SERINC2: variants seen among roughly 807,000 people sequenced by gnomAD.
SERINC2 encodes serine incorporator 2.
Under a neutral mutation model 54.2 loss-of-function variants are expected in SERINC2, and 56 were observed. That is an observed-to-expected ratio of 1.03 (90% CI 0.83 to 1.29). The LOEUF is 1.29. Ranked by LOEUF, SERINC2 falls within the 50% of genes most tolerant of loss-of-function variation. The pLI is 0.00. For missense variants in SERINC2, 614 were observed against 607.4 expected, an observed-to-expected ratio of 1.01 and a Z score of -0.12; for synonymous variants, 272 against 253.1, an observed-to-expected ratio of 1.07 and a Z score of -0.71.
At chr1:31,409,909 G>A (rs976286038), upstream of SERINC2, 51 of 1,439,620 alleles carry the variant, frequency 3.5e-5, no homozygotes, top group African/African-American at 1.4e-4. Context: ...GCAGGAGTTC[G>A]TTCCTATGTT....
At chr1:31,423,561 A>G in intron 1 of SERINC2, 132 bp from the exon 2 acceptor site, 2 of 925,028 alleles carry the variant, frequency 2.2e-6, no homozygotes, top group Non-Finnish European at 3.2e-6. Flanking sequence ...TGAAAGTTCA[A>G]TGGGCTGGTG....
intron 1 of SERINC2, among the ~76,000 whole-genome samples, chr1:31,423,322 C>T (rs1351514134): frequency 6.6e-6 from 1 of 152,100 alleles, no homozygotes; most frequent in Non-Finnish European, 1.5e-5. Context: ...GACACTGAGG[C>T]ACAGAGAGGT....
chr1:31,410,051 CA>C (rs1420697893), upstream of SERINC2: 35 of 979,240 alleles, frequency 3.6e-5, no homozygotes, highest in Non-Finnish European at 5.2e-5. Context: ...GGGCACAGGG[CA>C]ATGGACCAAA....
At chr1:31,413,153 TGGGGCGGGGCC>T (rs1181549837), upstream of SERINC2, 2,473 of 997,960 alleles carry the variant, frequency 2.5e-3, 14 homozygotes, top group Admixed American at 3.4e-3. This position sits in a 1 kb window ranked among gnomAD's most constrained non-coding sequence, Gnocchi z 5.0. Context: ...CTTCGGTAGG[TGGGGCGGGGCC>T]GGGGCGGGGC....
upstream of SERINC2, chr1:31,409,785 C>T: frequency 6.5e-7 from 1 of 1,541,656 alleles, no homozygotes; most frequent in Non-Finnish European, 8.8e-7. Context: ...CCAGTACAGA[C>T]AGCGAAGCCC....
Position 31,413,428 on chromosome 1 carries a change from C to A in SERINC2, c.39+124C>A. On this transcript the variant is annotated intron_variant, in intron 1 of 9. Transcript: ENST00000373709. This position sits in a 1 kb window ranked among gnomAD's most constrained non-coding sequence, Gnocchi z 5.0. ...TTCCTGCAAACTTGTCTTTCTGGGC[C>A]GGTGCCCCGCCTGCTCGCCCTCCTG... 2.1e-6 allele frequency: 1 copy of A among 472,986 alleles called. No homozygotes were observed. Among genetic ancestry groups the A allele is most frequent in the Non-Finnish European group, 3.2e-6 (1 of 312,514 alleles). 29.3% of individuals were successfully genotyped at this position (472,986 alleles called of 1,614,324 possible).
Position 31,425,395 on chromosome 1 carries a change from G to T in SERINC2, c.458G>T (p.Gly153Val). 6.2e-7 allele frequency: 1 copy of T among 1,610,688 alleles called. No homozygotes were observed. Among genetic ancestry groups the T allele is most frequent in the Non-Finnish European group, 8.5e-7 (1 of 1,176,786 alleles). The change falls in exon 4 of 10, where the codon GGC (glycine) becomes GTC (valine). Residue 153 changes from glycine (G) to valine (V), a missense_variant. Physicochemically the swap from Gly to Val is moderately radical, Grantham distance 109. Transcript: ENST00000373709. ...GTGGGTGCCTTCTACATTCCTGACG[G>T]CTCCTTCACCAACAGTAGGCGGACT... ...LTVGAFYIPD[G>V]SFTNIWFYFG...
Position 31,434,306 on chromosome 1 carries a change from C to G in SERINC2, c.*107C>G. On this transcript the variant is annotated 3_prime_UTR_variant, in exon 10 of 10. Transcript: ENST00000373709. ...ACACCAATCAGCCAGGCTGAGCCCC[C>G]ACCCCTGCCCCAGCTCCAGGACCTG... 5 of 1,208,602 alleles carry G rather than the reference C, an allele frequency of 4.1e-6. No individual in the cohort carries two copies. The highest frequency in any genetic ancestry group is 2.3e-5 in the East Asian group (1 of 42,562). The allele number at this position is 1,208,602 out of a possible 1,614,324, so 74.9% of individuals were successfully genotyped here.
rs1553135033 is a variant in SERINC2, at chr1:31,433,038, C to A, written c.1085C>A (p.Ala362Asp). Residue 362 changes from alanine to aspartate, a missense_variant, in exon 9 of 10, where the codon GCC (alanine) becomes GAC (aspartate). Ala to Asp is a moderately radical substitution (Grantham distance 126). Transcript: ENST00000373709. ...QTEECPPMLDATQQQQQVAAC... is the reference protein window; with the variant it reads ...QTEECPPMLDDTQQQQQVAAC... ...GAGGAGTGCCCACCTATGCTAGACG[C>A]CACACAGCAGCAGCAGCAGGTGGCA... 1 of 1,525,402 alleles carries A rather than the reference C, an allele frequency of 6.6e-7. No individual in the cohort carries two copies. Among genetic ancestry groups the A allele is most frequent in the Admixed American group, 1.9e-5 (1 of 51,404 alleles). The allele number at this position is 1,525,402 out of a possible 1,614,324, so 94.5% of individuals were successfully genotyped here.
intron 8 of SERINC2, among the ~76,000 whole-genome samples, chr1:31,432,552 G>T (rs1336121737): frequency 1.3e-5 from 2 of 152,130 alleles, no homozygotes; most frequent in Non-Finnish European, 2.9e-5. Flanking sequence ...AATGGATGTA[G>T]TACCTGGTAT....
At position 31,434,174 on chromosome 1, in the gene SERINC2, T is replaced by C. The variant is rs1557504597; in HGVS notation, c.1343T>C (p.Leu448Pro). Residue 448 changes from leucine to proline, a missense_variant, in exon 10 of 10, where the codon CTC (leucine) becomes CCC (proline). Physicochemically the swap from Leu to Pro is moderately conservative, Grantham distance 98. Transcript: ENST00000373709. ...CTGTGGACCCTGGTAGCCCCACTCC[T>C]CCTGCGCAACCGCGACTTCAGCTGA... Reference protein sequence around the residue: ...LYLWTLVAPLLLRNRDFS With the variant: ...LYLWTLVAPLPLRNRDFS 3 of 1,613,506 alleles carry C rather than the reference T, an allele frequency of 1.9e-6. No individual in the cohort carries two copies. The highest frequency in any genetic ancestry group is 3.3e-5 in the Admixed American group (2 of 59,970).
At chr1:31,426,903 G>A in intron 6 of SERINC2, 80 bp downstream of exon 6, 2 of 1,347,774 alleles carry the variant, frequency 1.5e-6, no homozygotes, top group East Asian at 2.3e-5. Flanking sequence ...GGGTCCTGGG[G>A]CTAGGGCTGT....
Position 31,428,989 on chromosome 1 carries a change from C to T in SERINC2, c.792C>T (p.Pro264=). The change falls in exon 7 of 10, where the codon CCC becomes CCT. Residue 264 remains proline, a synonymous_variant. Transcript: ENST00000373709. Reference sequence around the variant, plus strand: ...GGTCCTCTTGCCAGGACGCCCAGCCCAACTCGGGTCTGCTGCAGGCCTCGG... The same window carrying T: ...GGTCCTCTTGCCAGGACGCCCAGCCTAACTCGGGTCTGCTGCAGGCCTCGG... ...AVLPKVQDAQ[P]NSGLLQASVI... is the part of the protein sequence containing the mutation. 2 of 1,613,836 alleles carry T rather than the reference C, an allele frequency of 1.2e-6. No individual in the cohort carries two copies. The highest frequency in any genetic ancestry group is 2.7e-5 in the African/African-American group (2 of 74,952).
chr1:31,413,857 CTT>C lies in SERINC2; in HGVS notation c.39+555_39+556del. 2.1e-6 allele frequency: 3 copies of C among 1,428,856 alleles called. No individual in the cohort carries two copies. Among genetic ancestry groups the C allele is most frequent in the South Asian group, 1.5e-5 (1 of 67,518 alleles). The allele number at this position is 1,428,856 out of a possible 1,614,324, so 88.5% of individuals were successfully genotyped here. On this transcript the variant is annotated intron_variant, in intron 1 of 9. Transcript: ENST00000373709. The surrounding 1 kb of genome is among the most constrained non-coding windows in gnomAD (Gnocchi z 5.0). ...CTGTGTCCGTCGTTCGTCCGACTGT[CTT>C]TGTCCGTCTGCTGTCTTCTGTCCGT... is the stretch of plus-strand genomic sequence containing the variant.
chr1:31,429,906 C>G (rs142025115), intron 8 of SERINC2, among the ~76,000 whole-genome samples: 1 of 152,192 alleles, frequency 6.6e-6, no homozygotes, highest in Non-Finnish European at 1.5e-5. Flanking sequence ...CTCCTGTTTC[C>G]TCCTCAGTAA....
At chr1:31,430,385 A>C (rs1034519303) in intron 8 of SERINC2, among the ~76,000 whole-genome samples, 38 of 152,048 alleles carry the variant, frequency 2.5e-4, no homozygotes, top group Non-Finnish European at 4.3e-4. Flanking sequence ...AAACACTTAG[A>C]AAGGAACTTG....
At chr1:31,431,824 AGGGT>A in intron 8 of SERINC2, among the ~76,000 whole-genome samples, 1 of 142,918 alleles carries the variant, frequency 7.0e-6, no homozygotes, top group African/African-American at 2.7e-5. Flanking sequence ...CAGGGTGGAT[AGGGT>A]GGATAGGGTG....
Position 31,429,474 on chromosome 1 carries a change from C to T in SERINC2, c.949C>T (p.Gln317Ter). The T allele has an allele frequency of 6.2e-7, 1 of 1,613,854 alleles. No individual in the cohort carries two copies. Among genetic ancestry groups the T allele is most frequent in the Non-Finnish European group, 8.5e-7 (1 of 1,179,904 alleles). Residue 317 changes from glutamine (Q) to a stop codon, truncating the protein, a stop_gained, in exon 8 of 10, where the codon CAG becomes TAG. Coordinates refer to ENST00000373709, the MANE Select transcript of SERINC2 (RefSeq NM_178865.5). LOFTEE classifies it high-confidence loss of function. ...VVAGPEGYET[Q>*]WWDAPSIVGL... ...GGCAGGCCCCGAGGGCTATGAGACC[C>T]AGTGGTGGGATGCCCCGAGCATTGT... is the stretch of plus-strand genomic sequence containing the variant.
intron 8 of SERINC2, among the ~76,000 whole-genome samples, chr1:31,431,558 C>G (rs1459826922): frequency 2.0e-5 from 3 of 152,228 alleles, no homozygotes; most frequent in African/African-American, 7.2e-5. Context: ...CCCGACCTGG[C>G]ACAGCTGTTT....
Sources: gnomAD v4.1 joint callset for allele counts (sites outside exome capture counted in the v4.1 genomes callset) on GRCh38, gnomAD v4.1.1 for gene constraint, Gnocchi (gnomAD v3.1) non-coding constraint, MANE v1.5 for transcripts, NCBI Gene and HGNC (gene_info 2026-07-23, HGNC 2026-07-21) for gene names.